The following ZBTB44 variants were observed in gnomAD, a reference collection of about 807,000 sequenced individuals.
ZBTB44 encodes zinc finger and BTB domain-containing protein 44.
In ZBTB44, 15 loss-of-function variants were observed where a neutral mutation model predicts 54.0. That is an observed-to-expected ratio of 0.28 (90% CI 0.19 to 0.43). The LOEUF (loss-of-function observed/expected upper bound fraction) is 0.43, where lower values mean the gene tolerates loss of function less well. ZBTB44 is among the 20% of genes least tolerant of loss of function. The pLI is 1.00. For synonymous variants in ZBTB44, 230 were observed against 250.1 expected, an observed-to-expected ratio of 0.92 and a Z score of 0.76; for missense variants, 487 against 707.1, an observed-to-expected ratio of 0.69 and a Z score of 3.53.
At chr11:130,302,762 C>G (rs1942054469) in intron 1 of ZBTB44, among the ~76,000 whole-genome samples, 1 of 152,174 alleles carries the variant, frequency 6.6e-6, no homozygotes, top group African/African-American at 2.4e-5. Flanking sequence ...CACCTGAGGT[C>G]AGGAGTTCGA....
chr11:130,239,279 A>C (rs1044038462), intron 3 of ZBTB44: 1 of 152,686 alleles, frequency 6.5e-6, no homozygotes, highest in African/African-American at 2.4e-5. Context: ...AGGAGTTAGA[A>C]ATCAAGAGTT....
At position 130,261,175 on chromosome 11, in the gene ZBTB44, A is replaced by T; in HGVS notation, c.699T>A (p.Pro233=). 1 of 1,614,026 alleles carries T rather than the reference A, an allele frequency of 6.2e-7. No individual in the cohort carries two copies. The highest frequency in any genetic ancestry group is 1.6e-4 in the Middle Eastern group (1 of 6,062). Residue 233 remains proline, a synonymous_variant, in exon 2 of 8, where the codon CCT becomes CCA. Coordinates refer to ENST00000357899, the MANE Select transcript of ZBTB44 (RefSeq NM_001301098.2). The surrounding 1 kb of genome is among the most constrained non-coding windows in gnomAD (Gnocchi z 4.8). ...GCTGAATCCTTCGATCAATTCCAAA[A>T]GGAAAAGTCCAAGGAAAAGCTAAGG... ...DSSLAFPWTF[P]FGIDRRIQPE... is the part of the protein sequence containing the mutation.
intron 1 of ZBTB44, among the ~76,000 whole-genome samples, chr11:130,279,834 G>A (rs974429855): frequency 2.0e-5 from 3 of 152,112 alleles, no homozygotes; most frequent in Admixed American, 6.5e-5. Flanking sequence ...CCTTAGCTTT[G>A]AAATTCTACA....
At chr11:130,274,958 T>G (rs1193651783) in intron 1 of ZBTB44, among the ~76,000 whole-genome samples, 2 of 152,198 alleles carry the variant, frequency 1.3e-5, no homozygotes, top group Non-Finnish European at 2.9e-5. Context: ...AAATGTTTGG[T>G]AGAATTCACT....
chr11:130,302,456 G>A (rs187858380), intron 1 of ZBTB44, among the ~76,000 whole-genome samples: 1 of 152,176 alleles, frequency 6.6e-6, no homozygotes, highest in Non-Finnish European at 1.5e-5. Context: ...TGGAAGAATG[G>A]GTTAGTTTTA....
chr11:130,275,775 G>A (rs1398160805), intron 1 of ZBTB44, among the ~76,000 whole-genome samples: 6 of 152,142 alleles, frequency 3.9e-5, no homozygotes, highest in East Asian at 3.9e-4. Context: ...GTACAGGCGC[G>A]TGCCAGCATG....
intron 1 of ZBTB44, among the ~76,000 whole-genome samples, chr11:130,300,217 G>C (rs1024333192): frequency 6.6e-6 from 1 of 152,186 alleles, no homozygotes; most frequent in Non-Finnish European, 1.5e-5. Context: ...AAGATGAAGA[G>C]AGTTCTGAAA....
intron 1 of ZBTB44, among the ~76,000 whole-genome samples, chr11:130,291,779 G>A (rs946614033): frequency 4.6e-5 from 7 of 152,094 alleles, no homozygotes; most frequent in African/African-American, 1.7e-4. Context: ...TTCCAGCATA[G>A]GTTCTTTAAA....
At chr11:130,275,499 T>C (rs963701775) in intron 1 of ZBTB44, among the ~76,000 whole-genome samples, 5 of 152,140 alleles carry the variant, frequency 3.3e-5, no homozygotes, top group Non-Finnish European at 5.9e-5. Flanking sequence ...TATTTTCTGA[T>C]TTCATTTGGA....
intron 1 of ZBTB44, among the ~76,000 whole-genome samples, chr11:130,270,707 G>A (rs769697840): frequency 2.0e-5 from 3 of 152,172 alleles, no homozygotes; most frequent in Non-Finnish European, 4.4e-5. Flanking sequence ...TGTACTAAGG[G>A]TGGGTGGAAC....
chr11:130,277,097 ATC>A (rs909696804), intron 1 of ZBTB44, among the ~76,000 whole-genome samples: 2 of 152,082 alleles, frequency 1.3e-5, no homozygotes, highest in African/African-American at 4.8e-5. Flanking sequence ...TAGTCTGACA[ATC>A]TCTGTCTTTT....
chr11:130,271,290 T>C (rs912143576), intron 1 of ZBTB44, among the ~76,000 whole-genome samples: 1 of 152,182 alleles, frequency 6.6e-6, no homozygotes, highest in Non-Finnish European at 1.5e-5. Context: ...TAGCAATGAA[T>C]ATGGCTAGCA....
At chr11:130,306,265 A>G (rs1055819369) in intron 1 of ZBTB44, among the ~76,000 whole-genome samples, 1 of 152,008 alleles carries the variant, frequency 6.6e-6, no homozygotes, top group African/African-American at 2.4e-5. Flanking sequence ...CACTTTGGGA[A>G]GCTGAGGTGG....
intron 1 of ZBTB44, among the ~76,000 whole-genome samples, chr11:130,271,426 A>G (rs1939661651): frequency 6.6e-6 from 1 of 152,186 alleles, no homozygotes; most frequent in Admixed American, 6.5e-5. Context: ...CCAGATAACA[A>G]GGAAGCTACC....
intron 1 of ZBTB44, among the ~76,000 whole-genome samples, chr11:130,297,401 C>T (rs1221025178): frequency 2.0e-5 from 3 of 152,208 alleles, no homozygotes; most frequent in Non-Finnish European, 4.4e-5. Context: ...AATATGTACA[C>T]AAGTACTGTG....
Position 130,260,979 on chromosome 11 carries a change from C to G in ZBTB44, c.895G>C (p.Val299Leu). 6.2e-7 allele frequency: 1 copy of G among 1,613,978 alleles called. No homozygotes were observed. Among genetic ancestry groups the G allele is most frequent in the Non-Finnish European group, 8.5e-7 (1 of 1,179,886 alleles). The change falls in exon 2 of 8, where the codon GTC becomes CTC. Residue 299 changes from valine (V) to leucine (L), a missense_variant. Transcript: ENST00000357899. ...VKVERLSDEE[V>L]HEEVSQPVSA... ...ACAGGCTGGGACACTTCCTCATGGA[C>G]CTCCTCATCACTTAATCTTTCTACT...
chr11:130,279,536 G>A (rs928995959), intron 1 of ZBTB44, among the ~76,000 whole-genome samples: 2 of 152,072 alleles, frequency 1.3e-5, no homozygotes, highest in Admixed American at 1.3e-4. Context: ...GCATGCACCT[G>A]TGGTCCCAGC....
At chr11:130,242,538 A>ACATT (rs1954418546) in intron 2 of ZBTB44, among the ~76,000 whole-genome samples, 3 of 84,474 alleles carry the variant, frequency 3.6e-5, no homozygotes. Flanking sequence ...GTTTGAAAAC[A>ACATT]TATTTATTTT....
At chr11:130,252,646 G>A (rs1938114445) in intron 2 of ZBTB44, among the ~76,000 whole-genome samples, 1 of 152,098 alleles carries the variant, frequency 6.6e-6, no homozygotes, top group Non-Finnish European at 1.5e-5. Flanking sequence ...GTACAAAGAG[G>A]AGCTGGTACC....
Sources: allele counts gnomAD v4.1 joint callset (sites outside exome capture counted in the v4.1 genomes callset), GRCh38; gene constraint gnomAD v4.1.1; non-coding constraint Gnocchi (gnomAD v3.1); transcripts MANE v1.5; gene names NCBI Gene and HGNC (gene_info 2026-07-23, HGNC 2026-07-21).